The following WARS2 variants were observed in gnomAD, a reference collection of about 807,000 sequenced individuals.
WARS2 encodes tryptophanyl tRNA synthetase 2, mitochondrial, also known as tryptophan--tRNA ligase, mitochondrial.
Under a neutral mutation model 36.5 loss-of-function variants are expected in WARS2, and 28 were observed. The ratio of observed to expected loss-of-function variants is 0.77; its 90% CI spans 0.57 to 1.05. The LOEUF (loss-of-function observed/expected upper bound fraction) is 1.05. WARS2 is among the 50% of genes least tolerant of loss of function. The probability of loss-of-function intolerance (pLI) is 0.00; values close to 1 mark genes in which losing one functional copy is unlikely to be tolerated. For missense variants in WARS2, 435 were observed against 456.8 expected (o/e 0.95, Z 0.44); for synonymous variants, 174 against 178.4 (o/e 0.98, Z 0.20).
At chr1:119,066,301 A>AC (rs1357179266) in intron 2 of WARS2, among the ~76,000 whole-genome samples, 1 of 151,936 alleles carries the variant, frequency 6.6e-6, no homozygotes, top group Non-Finnish European at 1.5e-5. Flanking sequence ...ATACGGTGAA[A>AC]CCCCGTCTTT....
Position 119,032,757 on chromosome 1 carries a change from A to G in WARS2, c.*154T>C, listed in dbSNP as rs895241395. 4.5e-5 allele frequency: 32 copies of G among 714,908 alleles called. No homozygotes were observed. Among genetic ancestry groups the G allele is most frequent in the Non-Finnish European group, 5.8e-5 (26 of 444,534 alleles). 44.3% of individuals were successfully genotyped at this position (714,908 alleles called of 1,614,324 possible). A position where few individuals can be genotyped will look rare whatever the true frequency, so the allele number is the denominator to read the frequency against. The stretch of plus-strand genomic sequence containing the variant: ...GATTTGGAACACTGTCGTATTTCAA[A>G]GCTACAAAGCAATATTCATCAAATA... On this transcript the variant is annotated 3_prime_UTR_variant, in exon 6 of 6. Transcript: ENST00000235521.
intron 1 of WARS2, among the ~76,000 whole-genome samples, chr1:119,118,631 A>G (rs1389942153): frequency 6.6e-6 from 1 of 152,208 alleles, no homozygotes; most frequent in East Asian, 1.9e-4. Flanking sequence ...CATAGTCATC[A>G]GTTTATCTAA....
intron 1 of WARS2, among the ~76,000 whole-genome samples, chr1:119,100,643 C>A (rs1653788000): frequency 6.6e-6 from 1 of 152,214 alleles, no homozygotes; most frequent in African/African-American, 2.4e-5. Flanking sequence ...TCATTTACAG[C>A]AATGTGGATA....
chr1:119,058,442 A>G (rs1337579564), intron 2 of WARS2, among the ~76,000 whole-genome samples: 19 of 138,160 alleles, frequency 1.4e-4, no homozygotes, highest in Admixed American at 1.4e-4. Flanking sequence ...ATATCTCCCA[A>G]TGCTATCCCT....
At chr1:119,090,641 T>C (rs957302065) in intron 1 of WARS2, among the ~76,000 whole-genome samples, 2 of 152,154 alleles carry the variant, frequency 1.3e-5, no homozygotes, top group African/African-American at 4.8e-5. Flanking sequence ...GGGAGGCCGA[T>C]GTGGGAGGAT....
At chr1:119,033,538 CA>C in intron 5 of WARS2, 179 bp from the exon 6 acceptor site, 1 of 731,630 alleles carries the variant, frequency 1.4e-6, no homozygotes, top group Non-Finnish European at 2.2e-6. Context: ...CCCACACAAC[CA>C]TTCTGTTTTT....
At position 119,076,600 on chromosome 1, in the gene WARS2, C is replaced by A; in HGVS notation, c.98G>T (p.Ser33Ile). ...AATGCCGGAAAATACTCGCTTCTTG[C>A]TGTCTTTCTGGAACAAAGGAAAACA... ...SAAAPALQKD[S>I]KKRVFSGIQP... The change falls in exon 2 of 6, where the codon AGC becomes ATC. Residue 33 changes from serine to isoleucine, a missense_variant. By Grantham distance (142) the Ser-to-Ile change is moderately radical. Coordinates refer to ENST00000235521, the MANE Select transcript of WARS2 (RefSeq NM_015836.4). 1.2e-6 allele frequency: 2 copies of A among 1,614,038 alleles called. No individual in the cohort carries two copies. The highest frequency in any genetic ancestry group is 1.7e-6 in the Non-Finnish European group (2 of 1,179,978).
chr1:119,045,974 A>G (rs1297402595), intron 2 of WARS2, among the ~76,000 whole-genome samples: 1 of 152,092 alleles, frequency 6.6e-6, no homozygotes, highest in East Asian at 1.9e-4. Flanking sequence ...CTATCTGTAA[A>G]AAGCCAAGCT....
At chr1:119,098,221 C>T (rs960650325) in intron 1 of WARS2, among the ~76,000 whole-genome samples, 31 of 152,010 alleles carry the variant, frequency 2.0e-4, no homozygotes, top group Middle Eastern at 3.4e-3. Context: ...TGCACTCCAA[C>T]CAGGGCAGCA....
chr1:119,128,419 C>G (rs1655835981), intron 1 of WARS2, among the ~76,000 whole-genome samples: 1 of 151,642 alleles, frequency 6.6e-6, no homozygotes, highest in Admixed American at 6.6e-5. Context: ...TTTCTTCTTC[C>G]TGACATTCTC....
intron 3 of WARS2, among the ~76,000 whole-genome samples, chr1:119,042,625 A>G (rs1002327100): frequency 6.6e-6 from 1 of 152,142 alleles, no homozygotes; most frequent in Non-Finnish European, 1.5e-5. Context: ...TTATTAAAGT[A>G]AGGATACAGG....
chr1:119,060,364 C>T (rs774446002), intron 2 of WARS2, among the ~76,000 whole-genome samples: 4 of 152,206 alleles, frequency 2.6e-5, no homozygotes, highest in Non-Finnish European at 5.9e-5. Flanking sequence ...TATAACCCCA[C>T]ATGGCAGGCA....
intron 1 of WARS2, among the ~76,000 whole-genome samples, chr1:119,135,914 GCATATGC>G (rs138331044): frequency 0.25 from 37,552 of 151,794 alleles, 5,995 homozygotes; most frequent in East Asian, 0.48. Flanking sequence ...GGGACTACAG[GCATATGC>G]CACTAAGCCC....
At chr1:119,076,314 A>G (rs773381135) in intron 2 of WARS2, 36 bp downstream of exon 2, 28 of 1,610,454 alleles carry the variant, frequency 1.7e-5, no homozygotes, top group Middle Eastern at 1.7e-4. Context: ...TAATCTACAC[A>G]TAAGAGTTTT....
intron 1 of WARS2, among the ~76,000 whole-genome samples, chr1:119,138,687 A>G (rs1433174496): frequency 6.6e-6 from 1 of 152,170 alleles, no homozygotes; most frequent in African/African-American, 2.4e-5. Context: ...TCTTTCAAAA[A>G]ACCACATTAA....
At chr1:119,101,711 AAAT>A (rs1357956188) in intron 1 of WARS2, among the ~76,000 whole-genome samples, 1 of 152,150 alleles carries the variant, frequency 6.6e-6, no homozygotes, top group Non-Finnish European at 1.5e-5. Context: ...CTTCAGTTTT[AAAT>A]AGGGAGATCT....
At chr1:119,070,010 G>A (rs913471613) in intron 2 of WARS2, among the ~76,000 whole-genome samples, 1 of 152,106 alleles carries the variant, frequency 6.6e-6, no homozygotes, top group Non-Finnish European at 1.5e-5. Flanking sequence ...GGGGAAAACC[G>A]TAAAAGCCCT....
At chr1:119,068,740 A>G (rs764323865) in intron 2 of WARS2, among the ~76,000 whole-genome samples, 14 of 152,156 alleles carry the variant, frequency 9.2e-5, no homozygotes, top group East Asian at 1.9e-4. Flanking sequence ...ATAAAAGACC[A>G]TTAACTATGG....
chr1:119,056,034 C>T (rs1274048530), intron 2 of WARS2, among the ~76,000 whole-genome samples: 4 of 126,472 alleles, frequency 3.2e-5, no homozygotes, highest in African/African-American at 1.3e-4. Flanking sequence ...TTTTTTGAGA[C>T]GGGTCTCTCT....
Sources: allele counts gnomAD v4.1 joint callset (sites outside exome capture counted in the v4.1 genomes callset), GRCh38; gene constraint gnomAD v4.1.1; transcripts MANE v1.5; gene names NCBI Gene and HGNC (gene_info 2026-07-23, HGNC 2026-07-21).